AGL: variants seen among roughly 807,000 people sequenced by gnomAD.
AGL encodes amylo-alpha-1,6-glucosidase and 4-alpha-glucanotransferase.
Under a neutral mutation model 199.3 loss-of-function variants are expected in AGL, and 128 were observed. The observed-to-expected ratio is 0.64, with a 90% CI of 0.56 to 0.74. The LOEUF is 0.74. Among genes scored for constraint, AGL ranks in the 30% least tolerant of loss-of-function variants. AGL has a pLI of 0.00. For missense variants in AGL, 1,809 were observed against 1,820.8 expected (o/e 0.99, Z 0.12); for synonymous variants, 584 against 594.7 (o/e 0.98, Z 0.26).
upstream of AGL, among the ~76,000 whole-genome samples, chr1:99,849,495 G>A (rs1648739589): frequency 6.6e-6 from 1 of 152,108 alleles, no homozygotes; most frequent in Non-Finnish European, 1.5e-5. Context: ...CTTAATCTCA[G>A]ACGATCTCCG....
chr1:99,888,558 TC>T (rs1418265102), intron 21 of AGL, among the ~76,000 whole-genome samples: 2 of 152,194 alleles, frequency 1.3e-5, no homozygotes, highest in Non-Finnish European at 2.9e-5. Flanking sequence ...GTAAATATAA[TC>T]CATTCACCTT....
In AGL at chr1:99,870,492, G is replaced by A; in HGVS notation, c.757G>A (p.Ala253Thr). 1.2e-6 allele frequency: 2 copies of A among 1,614,048 alleles called. No homozygotes were observed. Among genetic ancestry groups the A allele is most frequent in the East Asian group, 2.2e-5 (1 of 44,844 alleles). ...HLKPAWVLDR[A>T]LWRFSCDVAE... ...AAAACCTGCCTGGGTCTTAGACAGA[G>A]CACTTTGGCGTTTCTCCTGTGATGT... Residue 253 changes from alanine to threonine, a missense_variant, in exon 6 of 34, where the codon GCA becomes ACA. Ala to Thr is a moderately conservative substitution (Grantham distance 58). Transcript: ENST00000361915.
chr1:99,894,473 A>G (rs1021753330), intron 24 of AGL, among the ~76,000 whole-genome samples: 2 of 152,216 alleles, frequency 1.3e-5, no homozygotes, highest in Non-Finnish European at 2.9e-5. Flanking sequence ...ACAGAGTGCT[A>G]TATATATGTT....
At chr1:99,907,686 G>GTTTTTTTTTTTTT (rs1238445536) in intron 27 of AGL, among the ~76,000 whole-genome samples, 171 of 59,778 alleles carry the variant, frequency 2.9e-3, no homozygotes, top group African/African-American at 9.3e-3. Flanking sequence ...GTTTGTTTTT[G>GTTTTTTTTTTTTT]TTTTTTGTTT....
intron 7 of AGL, among the ~76,000 whole-genome samples, chr1:99,873,022 C>G (rs1347851015): frequency 6.6e-6 from 1 of 151,870 alleles, no homozygotes; most frequent in Non-Finnish European, 1.5e-5. Context: ...TCTTTTAACT[C>G]TTGTTTATGG....
intron 5 of AGL, among the ~76,000 whole-genome samples, chr1:99,866,770 C>T (rs1265018524): frequency 2.0e-5 from 3 of 151,628 alleles, no homozygotes; most frequent in African/African-American, 4.8e-5. Context: ...TGTTGCAAAT[C>T]GTAATATCCT....
intron 24 of AGL, among the ~76,000 whole-genome samples, chr1:99,895,131 C>G (rs987202802): frequency 6.6e-6 from 1 of 152,116 alleles, no homozygotes; most frequent in Non-Finnish European, 1.5e-5. Context: ...TCACTGCAAC[C>G]TCCGCTTCCT....
chr1:99,854,230 A>T (rs1649220033), intron 2 of AGL, among the ~76,000 whole-genome samples: 1 of 152,176 alleles, frequency 6.6e-6, no homozygotes, highest in African/African-American at 2.4e-5. Flanking sequence ...ATCTGTGAGG[A>T]TAGGGACAGC....
chr1:99,859,495 TA>T (rs1571222903), intron 2 of AGL, among the ~76,000 whole-genome samples: 1 of 152,190 alleles, frequency 6.6e-6, no homozygotes, highest in African/African-American at 2.4e-5. Context: ...GAAGATATTT[TA>T]AAAGCTCTAC....
At chr1:99,916,799 T>A in intron 33 of AGL, 68 bp downstream of exon 33, 1 of 1,540,736 alleles carries the variant, frequency 6.5e-7, no homozygotes, top group Non-Finnish European at 9.0e-7. Flanking sequence ...TTAGGTAAAT[T>A]ACAGTTTCTT....
chr1:99,880,537 G>C, intron 13 of AGL, 95 bp from the exon 14 acceptor site: 1 of 1,339,180 alleles, frequency 7.5e-7, no homozygotes, highest in Non-Finnish European at 1.1e-6. Context: ...ATATTGATGT[G>C]GTCTTTATTT....
rs1249689678 is a variant in AGL, at chr1:99,884,708, G to A, written c.2681+5G>A. 3 of 1,613,812 alleles carry A rather than the reference G, an allele frequency of 1.9e-6. No individual in the cohort carries two copies. Among genetic ancestry groups the A allele is most frequent in the Admixed American group, 1.7e-5 (1 of 59,980 alleles). On this transcript the variant is annotated splice_donor_5th_base_variant and intron_variant, in intron 20 of 33. Transcript: ENST00000361915. ...ATTAAAAATTCCTTTTGCTTCGTAA[G>A]TATGCCTTGTTTGGTAGAGATTTGC...
chr1:99,906,541 C>T (rs1654308127), intron 27 of AGL, among the ~76,000 whole-genome samples: 1 of 152,148 alleles, frequency 6.6e-6, no homozygotes, highest in Admixed American at 6.5e-5. Flanking sequence ...TCCTCTATCC[C>T]CACTCTTCCC....
At chr1:99,896,904 C>T (rs1235054995) in intron 25 of AGL, among the ~76,000 whole-genome samples, 1 of 152,138 alleles carries the variant, frequency 6.6e-6, no homozygotes, top group East Asian at 1.9e-4. Context: ...TCCGACTCCG[C>T]CTCCCGGGTT....
Position 99,875,004 on chromosome 1 carries a change from A to G in AGL, c.1083-150A>G, listed in dbSNP as rs925404294. On this transcript the variant is annotated intron_variant, in intron 8 of 33. Coordinates refer to ENST00000361915, the MANE Select transcript of AGL (RefSeq NM_000642.3). ...GGGCCATGTTTCTATATGTGTATATAAACATTTTTACAATTGGAAAACATC... is the reference window on the plus strand; with the variant it reads ...GGGCCATGTTTCTATATGTGTATATGAACATTTTTACAATTGGAAAACATC... 1.8e-5 allele frequency: 18 copies of G among 999,974 alleles called. 1 individual carries two copies. The highest frequency in any genetic ancestry group is 6.0e-4 in the Middle Eastern group (2 of 3,338). The allele number at this position is 999,974 out of a possible 1,614,324, so 61.9% of individuals were successfully genotyped here.
chr1:99,871,443 AAAT>A (rs1651008214), intron 7 of AGL, among the ~76,000 whole-genome samples: 1 of 144,416 alleles, frequency 6.9e-6, no homozygotes, highest in Non-Finnish European at 1.5e-5. Flanking sequence ...GGGTAGGAAA[AAAT>A]AGGTGAAATG....
In AGL at chr1:99,900,704, T is replaced by A. The variant is rs2230308; in HGVS notation, c.3431T>A (p.Ile1144Asn). The A allele has an allele frequency of 1.5e-3, 2,412 of 1,614,098 alleles. 3 individuals are homozygous for A. Among genetic ancestry groups the A allele is most frequent in the Non-Finnish European group, 1.8e-3 (2,113 of 1,180,016 alleles). ...ATTCCTAATCTACTGGGTGAAGGAA[T>A]TTATGCCAGATACAATTGTCGGGAT... is the stretch of plus-strand genomic sequence containing the variant. The part of the protein sequence containing the change: ...GLIPNLLGEG[I>N]YARYNCRDAV... The change falls in exon 26 of 34, where the codon ATT becomes AAT. Residue 1144 changes from isoleucine (I) to asparagine (N), a missense_variant. Coordinates refer to ENST00000361915, the MANE Select transcript of AGL (RefSeq NM_000642.3).
At chr1:99,853,832 G>A (rs79566661) in intron 2 of AGL, among the ~76,000 whole-genome samples, 1 of 152,194 alleles carries the variant, frequency 6.6e-6, no homozygotes, top group Non-Finnish European at 1.5e-5. Context: ...AAAGGCTGTA[G>A]TGAGCTATGA....
intron 17 of AGL, among the ~76,000 whole-genome samples, chr1:99,882,128 C>A (rs1308627024): frequency 2.0e-5 from 3 of 148,356 alleles, no homozygotes; most frequent in African/African-American, 7.5e-5. Context: ...TAGAGTGAGA[C>A]CCTATCTCAA....
Sources: allele counts gnomAD v4.1 joint callset (sites outside exome capture counted in the v4.1 genomes callset), GRCh38; gene constraint gnomAD v4.1.1; transcripts MANE v1.5; gene names NCBI Gene and HGNC (gene_info 2026-07-23, HGNC 2026-07-21).